Variants in SGSM2 observed in about 807,000 individuals in gnomAD.
SGSM2 encodes RUN and TBC1 domain containing 1.
SGSM2 carries 89 observed loss-of-function variants against 126.6 expected under a neutral mutation model. The observed-to-expected ratio is 0.70, with a 90% CI of 0.59 to 0.84. The LOEUF is 0.84. Among genes scored for constraint, SGSM2 ranks in the 40% least tolerant of loss-of-function variants. The probability of loss-of-function intolerance (pLI) is 0.00; values close to 1 mark genes in which losing one functional copy is unlikely to be tolerated. For synonymous variants in SGSM2, 614 were observed against 574.3 expected, an observed-to-expected ratio of 1.07 and a Z score of -0.99; for missense variants, 1,404 against 1,416.6, an observed-to-expected ratio of 0.99 and a Z score of 0.14.
rs1278213139 is a variant in SGSM2 at position 2,367,385 on chromosome 17, C to G, written c.1403C>G (p.Thr468Arg). The G allele has an allele frequency of 2.5e-6, 4 of 1,613,934 alleles. No homozygotes were observed. In the African/African-American group the frequency reaches 5.3e-5, roughly 22 times the overall value. The change falls in exon 12 of 24, where the codon ACA (threonine) becomes AGA (arginine). Residue 468 changes from threonine to arginine, a missense_variant. Transcript: ENST00000268989. The surrounding 1 kb of genome is among the most constrained non-coding windows in gnomAD (Gnocchi z 4.0). ...TCAATGATCTGCTCGCGGAACCTCACAGCTCCCAATCCGATGAAAGGTTCT... is the reference window on the plus strand; with the variant it reads ...TCAATGATCTGCTCGCGGAACCTCAGAGCTCCCAATCCGATGAAAGGTTCT... The part of the protein sequence containing the change: ...MLSMICSRNL[T>R]APNPMKDAGD...
At position 2,367,272 on chromosome 17, in the gene SGSM2, C is replaced by T. The variant is rs777478811; in HGVS notation, c.1290C>T (p.Ile430=). 20 of 1,612,510 alleles carry T rather than the reference C, an allele frequency of 1.2e-5. No homozygotes were observed. The East Asian group carries it at 4.2e-4, about 34-fold the overall frequency. ...CCTCTCGCTGTTCTCTTTGAGCAGT[C>T]ACTATTAACTACCACCACCTAGCGG... ...IIYPGHRHEH[I]TINYHHLAAS... The change falls in exon 12 of 24, where the codon ATC becomes ATT. Residue 430 remains isoleucine (I), a splice_region_variant and synonymous_variant. Transcript: ENST00000268989. The surrounding 1 kb of genome is among the most constrained non-coding windows in gnomAD (Gnocchi z 4.0).
intron 19 of SGSM2, 87 bp downstream of exon 19, chr17:2,376,348 C>G: frequency 3.2e-6 from 5 of 1,551,062 alleles, no homozygotes; most frequent in Non-Finnish European, 4.4e-6. Flanking sequence ...GTGCCCTGCT[C>G]CTCTCTCCTG....
chr17:2,379,661 TC>T lies in SGSM2; in HGVS notation c.*144del, dbSNP rs1242872798. 13 of 1,454,934 alleles carry T rather than the reference TC, an allele frequency of 8.9e-6. No individual in the cohort carries two copies. The African/African-American group carries it at 1.8e-4, about 20-fold the overall frequency. The allele number at this position is 1,454,934 out of a possible 1,614,324, so 90.1% of individuals were successfully genotyped here. A position where few individuals can be genotyped will look rare whatever the true frequency, so the allele number is the denominator to read the frequency against. Reference sequence around the variant, plus strand: ...AAGCGGTTGTGAGCCTGGATCCGACTCCCGGCAGTGCTGACCCTGCAGGGCA... The same window carrying T: ...AAGCGGTTGTGAGCCTGGATCCGACTCCGGCAGTGCTGACCCTGCAGGGCA... On this transcript the variant is annotated 3_prime_UTR_variant, in exon 24 of 24. Transcript: ENST00000268989.
chr17:2,376,038 C>T, intron 18 of SGSM2, 99 bp from the exon 19 acceptor site: 1 of 1,578,298 alleles, frequency 6.3e-7, no homozygotes, highest in East Asian at 2.2e-5. Context: ...GCTCTGGTCT[C>T]TGGGTTCCGT....
At chr17:2,357,391 GATAA>G (rs2065129334) in intron 2 of SGSM2, among the ~76,000 whole-genome samples, 1 of 152,202 alleles carries the variant, frequency 6.6e-6, no homozygotes, top group South Asian at 2.1e-4. Flanking sequence ...TCAACGAGTG[GATAA>G]AGAAACTGAT....
rs141715301 is a variant in SGSM2, at chr17:2,340,623, T to C, written c.57+2878T>C. 6.0e-3 allele frequency among the ~76,000 whole-genome samples: 908 copies of C among 151,776 alleles called. 6 individuals carry two copies. The highest frequency in any genetic ancestry group is 0.021 in the African/African-American group (853 of 41,362). ...TTTTTGAGATGGAGTCTCGCTCTGTTGCCCAGGCTGGAGTGCCGTGGCGCC... is the reference window on the plus strand; with the variant it reads ...TTTTTGAGATGGAGTCTCGCTCTGTCGCCCAGGCTGGAGTGCCGTGGCGCC... On this transcript the variant is annotated intron_variant, in intron 1 of 23. Transcript: ENST00000268989.
At position 2,379,059 on chromosome 17, in the gene SGSM2, G is replaced by A. The variant is rs1216450060; in HGVS notation, c.2923G>A (p.Ala975Thr). 6.2e-7 allele frequency: 1 copy of A among 1,614,194 alleles called. No individual in the cohort carries two copies. The highest frequency in any genetic ancestry group is 8.5e-7 in the Non-Finnish European group (1 of 1,180,022). ...AGAACTGCTGTATGAGGATGTGTTT[G>A]CTGTGTGGGAGGTGATCTGGGCAGC... The part of the protein sequence containing the change: ...KRELLYEDVF[A>T]VWEVIWAARH... The change falls in exon 23 of 24, where the codon GCT (alanine) becomes ACT (threonine). Residue 975 changes from alanine to threonine, a missense_variant. Physicochemically the swap from Ala to Thr is moderately conservative, Grantham distance 58. Coordinates refer to ENST00000268989, the MANE Select transcript of SGSM2 (RefSeq NM_014853.3).
At chr17:2,368,105 C>T (rs1458860515) in intron 12 of SGSM2, among the ~76,000 whole-genome samples, 1 of 152,254 alleles carries the variant, frequency 6.6e-6, no homozygotes, top group Non-Finnish European at 1.5e-5. Flanking sequence ...GGAGCTCCGT[C>T]TCTTCACCTG....
At chr17:2,376,389 G>A in intron 19 of SGSM2, 128 bp downstream of exon 19, 1 of 1,281,348 alleles carries the variant, frequency 7.8e-7, no homozygotes, top group Admixed American at 2.3e-5. Flanking sequence ...CCCCCTGCCT[G>A]GAACGCTTTT....
intron 2 of SGSM2, among the ~76,000 whole-genome samples, chr17:2,352,615 C>T (rs531910243): frequency 6.6e-6 from 1 of 152,098 alleles, no homozygotes; most frequent in African/African-American, 2.4e-5. Context: ...CCCACTGTTA[C>T]CAGGCTGGGC....
rs189298312 is a variant in SGSM2, at chr17:2,342,380, C to T, written c.58-1165C>T. On this transcript the variant is annotated intron_variant, in intron 1 of 23. Coordinates refer to ENST00000268989, the MANE Select transcript of SGSM2 (RefSeq NM_014853.3). ...TGGAGGTTGCAGTGAGCTGAGAACG[C>T]GCCACTTCACTCCAGCCTGGGCAAA... Among the ~76,000 whole-genome samples, 176 of 151,920 alleles carry T rather than the reference C, an allele frequency of 1.2e-3. 1 individual carries two copies. Among genetic ancestry groups the T allele is most frequent in the Non-Finnish European group, 2.0e-3 (136 of 67,976 alleles).
chr17:2,376,368 C>A, intron 19 of SGSM2, 107 bp downstream of exon 19: 1 of 1,456,978 alleles, frequency 6.9e-7, no homozygotes, highest in Non-Finnish European at 9.3e-7. Context: ...GCTCCTGAAT[C>A]ACACTTGGCT....
intron 1 of SGSM2, among the ~76,000 whole-genome samples, chr17:2,338,789 A>ATATATAT (rs1483751869): frequency 1.3e-5 from 2 of 148,220 alleles, no homozygotes; most frequent in South Asian, 2.1e-4. Context: ...ATATATATAT[A>ATATATAT]ACCTCACGCC....
intron 2 of SGSM2, among the ~76,000 whole-genome samples, 200 bp from the exon 3 acceptor site, chr17:2,361,437 C>T (rs956677111): frequency 1.3e-5 from 2 of 152,182 alleles, no homozygotes; most frequent in African/African-American, 4.8e-5. Flanking sequence ...AGAGGGACAG[C>T]TTGGCATGTC....
chr17:2,363,662 C>T lies in SGSM2; in HGVS notation c.807+63C>T, dbSNP rs1353735683. ...CCCCGAACGAGACGACTGGAAGCCT[C>T]TAGCCATGGCTATTCCTTTCCTGAG... On this transcript the variant is annotated intron_variant, in intron 7 of 23. Coordinates refer to ENST00000268989, the MANE Select transcript of SGSM2 (RefSeq NM_014853.3). The surrounding 1 kb of genome is among the most constrained non-coding windows in gnomAD (Gnocchi z 4.2). 1 of 1,586,752 alleles carries T rather than the reference C, an allele frequency of 6.3e-7. No homozygotes were observed. The highest frequency in any genetic ancestry group is 2.3e-5 in the East Asian group (1 of 44,358).
chr17:2,365,016 C>T lies in SGSM2; in HGVS notation c.1120C>T (p.Arg374Trp), dbSNP rs767338611. 13 of 1,613,534 alleles carry T rather than the reference C, an allele frequency of 8.1e-6. No individual in the cohort carries two copies. Among genetic ancestry groups the T allele is most frequent in the African/African-American group, 2.7e-5 (2 of 74,936 alleles). ...LSCLENGLLP[R>W]GQLEPPLWTQ... The stretch of plus-strand genomic sequence containing the variant: ...CTGTCTGGAGAATGGGCTGCTGCCT[C>T]GGGGACAGCTAGAGCCCCCGCTGTG... Residue 374 changes from arginine to tryptophan, a missense_variant, in exon 10 of 24, where the codon CGG becomes TGG. Arg to Trp is a moderately radical substitution (Grantham distance 101, BLOSUM62 -3). Coordinates refer to ENST00000268989, the MANE Select transcript of SGSM2 (RefSeq NM_014853.3).
At chr17:2,357,437 A>C (rs966079858) in intron 2 of SGSM2, among the ~76,000 whole-genome samples, 3 of 152,178 alleles carry the variant, frequency 2.0e-5, no homozygotes, top group Admixed American at 6.5e-5. Context: ...ACTCAGCCAT[A>C]AAAAGGAATA....
intron 19 of SGSM2, 52 bp from the exon 20 acceptor site, chr17:2,376,681 G>C (rs377754404): frequency 6.3e-7 from 1 of 1,589,220 alleles, no homozygotes; most frequent in Non-Finnish European, 8.6e-7. Context: ...CAGGGATCCC[G>C]AGGGAGGGAA....
At chr17:2,375,962 G>T in intron 18 of SGSM2, 87 bp downstream of exon 18, 3 of 1,511,142 alleles carry the variant, frequency 2.0e-6, no homozygotes, top group Non-Finnish European at 2.6e-6. Flanking sequence ...TGGGGTGGAA[G>T]GCGGGGCGCC....
Sources: allele counts gnomAD v4.1 joint callset (sites outside exome capture counted in the v4.1 genomes callset), GRCh38; gene constraint gnomAD v4.1.1; non-coding constraint Gnocchi (gnomAD v3.1); transcripts MANE v1.5; gene names NCBI Gene and HGNC (gene_info 2026-07-23, HGNC 2026-07-21).